Variants in GCN1 observed in about 807,000 individuals in gnomAD.
GCN1 encodes the protein stalled ribosome sensor GCN1.
In GCN1, 90 loss-of-function variants were observed where a neutral mutation model predicts 288.4. That is an observed-to-expected ratio of 0.31 (90% CI 0.26 to 0.37). GCN1 has a LOEUF of 0.37. Among genes scored for constraint, GCN1 ranks in the 10% least tolerant of loss-of-function variants. GCN1 has a pLI of 1.00. For synonymous variants in GCN1, 1,386 were observed against 1,420.2 expected, an observed-to-expected ratio of 0.98 and a Z score of 0.54; for missense variants, 2,586 against 3,419.9, an observed-to-expected ratio of 0.76 and a Z score of 6.08.
At chr12:120,143,976 G>C (rs1367903388) in intron 42 of GCN1, among the ~76,000 whole-genome samples, 1 of 152,122 alleles carries the variant, frequency 6.6e-6, no homozygotes, top group Admixed American at 6.6e-5. Flanking sequence ...TCAACCCTTT[G>C]GATCTTTTTT....
At chr12:120,159,099 G>A (rs1877846741) in intron 24 of GCN1, among the ~76,000 whole-genome samples, 1 of 152,160 alleles carries the variant, frequency 6.6e-6, no homozygotes, top group Non-Finnish European at 1.5e-5. Context: ...CAGAGGGCAG[G>A]TAGGCAGAGA....
At chr12:120,164,538 C>A (rs780408346) in intron 17 of GCN1, 43 bp from the exon 18 acceptor site, 2 of 1,607,236 alleles carry the variant, frequency 1.2e-6, no homozygotes, top group East Asian at 4.5e-5. Flanking sequence ...AGGCCAAGAG[C>A]AGGGCTTTCC....
chr12:120,161,737 C>T (rs1278863550), intron 21 of GCN1, 143 bp downstream of exon 21: 25 of 940,082 alleles, frequency 2.7e-5, no homozygotes, highest in African/African-American at 9.8e-5. Context: ...ACCTAAGCAC[C>T]GTGCCGGGGA....
At chr12:120,167,501 A>G (rs2139122358) in intron 16 of GCN1, among the ~76,000 whole-genome samples, 1 of 152,310 alleles carries the variant, frequency 6.6e-6, no homozygotes, top group Non-Finnish European at 1.5e-5. Flanking sequence ...ATTTACTTGC[A>G]TATATATAAA....
chr12:120,155,448 C>T lies in GCN1; in HGVS notation c.3441-18G>A, dbSNP rs1432719597. The T allele has an allele frequency of 2.5e-6, 4 of 1,611,302 alleles. No individual in the cohort carries two copies. The Admixed American group carries it at 6.7e-5, about 27-fold the overall frequency. ...ACCAGAGCCTGTGGGAGATCCAAGG[C>T]AGGGGCTGCTTAGACAAAGATCTGC... is the stretch of plus-strand genomic sequence containing the variant. On this transcript the variant is annotated intron_variant, in intron 29 of 57. Coordinates refer to ENST00000300648, the MANE Select transcript of GCN1 (RefSeq NM_006836.2). The surrounding 1 kb of genome is among the most constrained non-coding windows in gnomAD (Gnocchi z 4.9).
chr12:120,154,804 G>A (rs770397672), intron 31 of GCN1, among the ~76,000 whole-genome samples, 166 bp downstream of exon 31: 1 of 152,092 alleles, frequency 6.6e-6, no homozygotes, highest in Admixed American at 6.6e-5. Flanking sequence ...TGCCTCACAC[G>A]GTCCAATCCC....
chr12:120,172,027 A>G (rs763792515), intron 14 of GCN1, among the ~76,000 whole-genome samples: 49 of 151,344 alleles, frequency 3.2e-4, no homozygotes, highest in Non-Finnish European at 5.5e-4. Flanking sequence ...ATGCCCAGCT[A>G]TTTTTTTAAT....
At position 120,158,533 on chromosome 12, in the gene GCN1, C is replaced by G. The variant is rs114058958; in HGVS notation, c.2832G>C (p.Ser944=). The G allele has an allele frequency of 2.8e-5, 44 of 1,592,296 alleles. No homozygotes were observed. Among genetic ancestry groups the G allele is most frequent in the Non-Finnish European group, 3.6e-5 (42 of 1,169,166 alleles). Reference sequence around the variant, plus strand: ...GCATCACCGCCCTCTTCACAGCCACCGACAGCTCTTCCTGGCACCAGGACT... The same window carrying G: ...GCATCACCGCCCTCTTCACAGCCACGGACAGCTCTTCCTGGCACCAGGACT... ...LDKSWCQEEL[S]VAVKRAVMLL... is the part of the protein sequence containing the mutation. The change falls in exon 25 of 58, where the codon TCG becomes TCC. Residue 944 remains serine, a synonymous_variant. Transcript: ENST00000300648. The surrounding 1 kb of genome is among the most constrained non-coding windows in gnomAD (Gnocchi z 4.3).
rs779751331 is a variant in GCN1, at chr12:120,142,483, C to CA, written c.5829+23dup. 8 of 1,596,300 alleles carry CA rather than the reference C, an allele frequency of 5.0e-6. No individual in the cohort carries two copies. The highest frequency in any genetic ancestry group is 1.7e-4 in the Middle Eastern group (1 of 6,022). On this transcript the variant is annotated intron_variant, in intron 44 of 57. Coordinates refer to ENST00000300648, the MANE Select transcript of GCN1 (RefSeq NM_006836.2). The surrounding 1 kb of genome is among the most constrained non-coding windows in gnomAD (Gnocchi z 4.9). ...AAAGGAGGCACTGGGGCTGCTGGTC[C>CA]AAAACAAGGCCCAGGAAACTCACCG... is the stretch of plus-strand genomic sequence containing the variant.
chr12:120,183,938 TTCC>T (rs1370292848), intron 4 of GCN1, among the ~76,000 whole-genome samples, 171 bp downstream of exon 4: 1 of 152,170 alleles, frequency 6.6e-6, no homozygotes, highest in African/African-American at 2.4e-5. Context: ...GGGCAACTGG[TTCC>T]CCTCAAAATG....
Position 120,129,598 on chromosome 12 carries a change from AC to A in GCN1, c.7672-105del, listed in dbSNP as rs367867319. 2,057 of 847,100 alleles carry A rather than the reference AC, an allele frequency of 2.4e-3. 29 individuals carry two copies. In the African/African-American group the frequency reaches 0.03, roughly 12 times the overall value. 52.5% of individuals were successfully genotyped at this position (847,100 alleles called of 1,614,324 possible). On this transcript the variant is annotated intron_variant, in intron 56 of 57. Transcript: ENST00000300648. ...CACTCTCCCTACAGCATGAACACTG[AC>A]CCCCCCTGCTCCTGTGGGAGGGTCC...
chr12:120,170,191 C>T lies in GCN1; in HGVS notation c.1497G>A (p.Leu499=). ...GVAAALLLLK[L]SVADSQAEAK... ...TACCAGCCTGTGAGTCAGCCACTGA[C>T]AACTTTAAGAGCAACAAGGCTGCGG... Residue 499 remains leucine, a synonymous_variant, in exon 15 of 58, where the codon TTG becomes TTA. Transcript: ENST00000300648. The T allele has an allele frequency of 6.2e-7, 1 of 1,614,172 alleles. No homozygotes were observed.
Position 120,131,085 on chromosome 12 carries a change from GCTT to G in GCN1, c.7563+97_7563+99del, listed in dbSNP as rs1023857142. 103 of 1,056,982 alleles carry G rather than the reference GCTT, an allele frequency of 9.7e-5. No homozygotes were observed. In the African/African-American group the frequency reaches 1.3e-3, roughly 13 times the overall value. 65.5% of individuals were successfully genotyped at this position (1,056,982 alleles called of 1,614,324 possible). A position where few individuals can be genotyped will look rare whatever the true frequency, so the allele number is the denominator to read the frequency against. ...CTGACAAAGGTAAAATTAGACCCAA[GCTT>G]CTTAAGCCCCAGTCTGGGGTCCACC... On this transcript the variant is annotated intron_variant, in intron 55 of 57. Transcript: ENST00000300648.
intron 9 of GCN1, 91 bp from the exon 10 acceptor site, chr12:120,176,308 G>A (rs758622592): frequency 2.5e-6 from 2 of 808,456 alleles, no homozygotes; most frequent in South Asian, 1.4e-5. Flanking sequence ...AATGCCACTA[G>A]GCCTGCTGTC....
At chr12:120,172,371 A>G (rs1225956466) in intron 14 of GCN1, among the ~76,000 whole-genome samples, 2 of 152,216 alleles carry the variant, frequency 1.3e-5, no homozygotes, top group Non-Finnish European at 2.9e-5. Context: ...ATTGCTTTCA[A>G]ATCAGTGCAA....
At chr12:120,152,108 T>C (rs1348894638) in intron 33 of GCN1, among the ~76,000 whole-genome samples, 1 of 152,138 alleles carries the variant, frequency 6.6e-6, no homozygotes, top group Non-Finnish European at 1.5e-5. Context: ...TAATTCACTA[T>C]AACCTTGAAT....
At chr12:120,131,672 G>A (rs150756124) in intron 54 of GCN1, among the ~76,000 whole-genome samples, 1 of 152,182 alleles carries the variant, frequency 6.6e-6, no homozygotes, top group African/African-American at 2.4e-5. Flanking sequence ...AGAGTGCAGG[G>A]GCGTGATCAA....
intron 38 of GCN1, among the ~76,000 whole-genome samples, chr12:120,146,196 G>A (rs1056015301): frequency 4.6e-5 from 7 of 150,700 alleles, no homozygotes; most frequent in African/African-American, 7.3e-5. Context: ...GAACCCAGGC[G>A]GCAGAGGTTG....
In GCN1 at chr12:120,178,886, C is replaced by A. The variant is rs1389920803; in HGVS notation, c.491G>T (p.Gly164Val). 3 of 1,614,016 alleles carry A rather than the reference C, an allele frequency of 1.9e-6. No homozygotes were observed. Among genetic ancestry groups the A allele is most frequent in the African/African-American group, 2.7e-5 (2 of 74,934 alleles). Residue 164 changes from glycine to valine, a missense_variant, in exon 6 of 58, where the codon GGT becomes GTT. Physicochemically the swap from Gly to Val is moderately radical, Grantham distance 109. Coordinates refer to ENST00000300648, the MANE Select transcript of GCN1 (RefSeq NM_006836.2). ...CAGCTTCGTGAGTTTCTTCACAGCA[C>A]CATCCACGGCGTGCTTGTGGGAGCC... is the stretch of plus-strand genomic sequence containing the variant. Reference protein sequence around the residue: ...LGGSHKHAVDGAVKKLTKLWK... With the variant: ...LGGSHKHAVDVAVKKLTKLWK...
Sources: gnomAD v4.1 joint callset for allele counts (sites outside exome capture counted in the v4.1 genomes callset) on GRCh38, gnomAD v4.1.1 for gene constraint, Gnocchi (gnomAD v3.1) non-coding constraint, MANE v1.5 for transcripts, NCBI Gene and HGNC (gene_info 2026-07-23, HGNC 2026-07-21) for gene names.